TBC1D23: variants seen among roughly 807,000 people sequenced by gnomAD.
The protein encoded by TBC1D23 is TBC1 domain family member 23.
In TBC1D23, 55 loss-of-function variants were observed where a neutral mutation model predicts 91.4. The observed-to-expected ratio is 0.60, with a 90% CI of 0.48 to 0.75. TBC1D23 has a LOEUF of 0.75. Ranked by LOEUF, TBC1D23 falls within the 30% of genes least tolerant of loss-of-function variation. TBC1D23 has a pLI of 0.00. For missense variants in TBC1D23, 725 were observed against 836.1 expected, an observed-to-expected ratio of 0.87 and a Z score of 1.64; for synonymous variants, 289 against 281.0, an observed-to-expected ratio of 1.03 and a Z score of -0.28.
intron 1 of TBC1D23, among the ~76,000 whole-genome samples, chr3:100,275,570 C>G (rs2067642291): frequency 6.6e-6 from 1 of 152,190 alleles, no homozygotes; most frequent in African/African-American, 2.4e-5. Context: ...GCTACTGCCC[C>G]TGGCCTGGTT....
chr3:100,273,063 G>A (rs551336783), intron 1 of TBC1D23, among the ~76,000 whole-genome samples: 2 of 152,266 alleles, frequency 1.3e-5, no homozygotes, highest in East Asian at 3.9e-4. Context: ...GCTAGGGGAC[G>A]GTCAGGTCTT....
intron 13 of TBC1D23, among the ~76,000 whole-genome samples, 156 bp downstream of exon 13, chr3:100,306,699 C>T (rs1576180650): frequency 6.6e-6 from 1 of 152,110 alleles, no homozygotes; most frequent in Non-Finnish European, 1.5e-5. Context: ...GATGATACAG[C>T]AAGCCATTAT....
intron 1 of TBC1D23, among the ~76,000 whole-genome samples, chr3:100,267,969 G>A (rs895084463): frequency 2.6e-5 from 4 of 152,088 alleles, no homozygotes; most frequent in Admixed American, 1.3e-4. Flanking sequence ...TCAGGAGTTC[G>A]AGACCATCCT....
In TBC1D23 at chr3:100,268,448, C is replaced by G. The variant is rs1295061667; in HGVS notation, c.53+7377C>G. On this transcript the variant is annotated intron_variant, in intron 1 of 18. Transcript: ENST00000394144. Reference sequence around the variant, plus strand: ...TTTGCCAAACTATGATCCCCATTGGCATAGTACCCTTGAGAATTGTCCAAA... The same window carrying G: ...TTTGCCAAACTATGATCCCCATTGGGATAGTACCCTTGAGAATTGTCCAAA... 2.0e-5 allele frequency among the ~76,000 whole-genome samples: 3 copies of G among 152,082 alleles called. No individual in the cohort carries two copies. The East Asian group carries it at 5.8e-4, about 29-fold the overall frequency.
chr3:100,309,610 CTTTTTTTT>C (rs71132518), intron 13 of TBC1D23, among the ~76,000 whole-genome samples: 6 of 116,124 alleles, frequency 5.2e-5, no homozygotes, highest in African/African-American at 1.9e-4. Flanking sequence ...ATTCTACCTT[CTTTTTTTT>C]TTTTTTTTTT....
intron 15 of TBC1D23, chr3:100,315,794 C>T (rs527699343): frequency 4.7e-5 from 15 of 317,848 alleles, no homozygotes; most frequent in Admixed American, 2.1e-4. Flanking sequence ...AAATAACTTC[C>T]GCAAGGCCAA....
chr3:100,317,504 G>A (rs1705770837), intron 16 of TBC1D23, among the ~76,000 whole-genome samples: 1 of 152,108 alleles, frequency 6.6e-6, no homozygotes, highest in Admixed American at 6.6e-5. Context: ...TATATTCAGA[G>A]GGTAAATTCT....
intron 1 of TBC1D23, among the ~76,000 whole-genome samples, chr3:100,268,422 C>A (rs1232892812): frequency 1.3e-5 from 2 of 152,092 alleles, no homozygotes; most frequent in East Asian, 3.8e-4. Context: ...ATATGTATTT[C>A]TTTGCCAAAC....
chr3:100,272,884 C>T (rs1039176572), intron 1 of TBC1D23, among the ~76,000 whole-genome samples: 2 of 150,040 alleles, frequency 1.3e-5, no homozygotes, highest in East Asian at 3.9e-4. Context: ...AGCCCTAAGG[C>T]GGTTTTCCCC....
Position 100,322,340 on chromosome 3 carries a change from A to G in TBC1D23, c.2019-1247A>G, listed in dbSNP as rs1375123402. ...CATCTCCTGACCTCGTGATCCACCC[A>G]CCTTGGCCTCCCAAAGTGCTGAGAT... On this transcript the variant is annotated intron_variant, in intron 18 of 18. Transcript: ENST00000394144. 2.6e-5 allele frequency among the ~76,000 whole-genome samples: 4 copies of G among 152,086 alleles called. No individual in the cohort carries two copies. The East Asian group carries it at 5.8e-4, about 22-fold the overall frequency.
chr3:100,304,900 AT>A lies in TBC1D23; in HGVS notation c.1306+15del, dbSNP rs779184529. On this transcript the variant is annotated intron_variant, in intron 12 of 18. Coordinates refer to ENST00000394144, the MANE Select transcript of TBC1D23 (RefSeq NM_001199198.3). ...TGGAGGATTTATGGGTAAGATTTTG[AT>A]TTATTAGTTTTTTTCCTCTATGTTT... 3.6e-5 allele frequency: 51 copies of A among 1,425,026 alleles called. No homozygotes were observed. The highest frequency in any genetic ancestry group is 9.9e-6 in the Non-Finnish European group (10 of 1,010,482). The allele number at this position is 1,425,026 out of a possible 1,614,324, so 88.3% of individuals were successfully genotyped here.
intron 1 of TBC1D23, among the ~76,000 whole-genome samples, chr3:100,269,608 C>A (rs376449577): frequency 1.3e-5 from 2 of 152,152 alleles, no homozygotes; most frequent in Non-Finnish European, 2.9e-5. Context: ...TCCTTGAGCT[C>A]CATGCATATC....
At chr3:100,273,377 G>A (rs955365223) in intron 1 of TBC1D23, among the ~76,000 whole-genome samples, 1 of 152,130 alleles carries the variant, frequency 6.6e-6, no homozygotes, top group Admixed American at 6.5e-5. Context: ...GAACAAAATG[G>A]AGTCTCCTAT....
At chr3:100,297,695 G>GTT (rs3832200) in intron 8 of TBC1D23, among the ~76,000 whole-genome samples, 48 of 150,048 alleles carry the variant, frequency 3.2e-4, no homozygotes, top group African/African-American at 4.2e-4. Context: ...TTTAGAATGT[G>GTT]TTTTTTTTTT....
intron 4 of TBC1D23, 89 bp from the exon 5 acceptor site, chr3:100,290,489 C>A: frequency 8.8e-7 from 1 of 1,138,534 alleles, no homozygotes; most frequent in Non-Finnish European, 1.3e-6. Context: ...CCAGTGAATG[C>A]TGTGGAGGGT....
At chr3:100,293,848 A>G (rs1010855572) in intron 5 of TBC1D23, among the ~76,000 whole-genome samples, 4 of 152,202 alleles carry the variant, frequency 2.6e-5, no homozygotes, top group Non-Finnish European at 5.9e-5. Flanking sequence ...TCTCACCTGT[A>G]AAATGGGGAG....
rs377241510 is a variant in TBC1D23 at position 100,308,702 on chromosome 3, A to G, written c.1414-1701A>G. On this transcript the variant is annotated intron_variant, in intron 13 of 18. Coordinates refer to ENST00000394144, the MANE Select transcript of TBC1D23 (RefSeq NM_001199198.3). Reference sequence around the variant, plus strand: ...TTTATTTTCTGCTTTTTCACTAAACATATGAGCATTTTCTAGCATTTTAAA... The same window carrying G: ...TTTATTTTCTGCTTTTTCACTAAACGTATGAGCATTTTCTAGCATTTTAAA... Among the ~76,000 whole-genome samples, 8 of 152,316 alleles carry G rather than the reference A, an allele frequency of 5.3e-5. No homozygotes were observed. The East Asian group carries it at 1.3e-3, about 26-fold the overall frequency.
At chr3:100,299,939 T>C (rs1705390598) in intron 10 of TBC1D23, among the ~76,000 whole-genome samples, 1 of 149,748 alleles carries the variant, frequency 6.7e-6, no homozygotes, top group African/African-American at 2.4e-5. Flanking sequence ...CTTAGCATAG[T>C]GCACTGCACC....
intron 16 of TBC1D23, among the ~76,000 whole-genome samples, chr3:100,318,323 C>A (rs1705790102): frequency 6.6e-6 from 1 of 151,818 alleles, no homozygotes; most frequent in South Asian, 2.1e-4. Flanking sequence ...TAAATTTTTA[C>A]TTATTTATCT....
Sources: allele counts gnomAD v4.1 joint callset (sites outside exome capture counted in the v4.1 genomes callset), GRCh38; gene constraint gnomAD v4.1.1; transcripts MANE v1.5; gene names NCBI Gene and HGNC (gene_info 2026-07-23, HGNC 2026-07-21).